Variants in ENTREP2 observed in about 807,000 individuals in gnomAD.
ENTREP2 encodes the protein endosomal transmembrane epsin interactor 2.
At chr15:29,439,740 C>T in the ENTREP2 span, among the ~76,000 whole-genome samples, 7 of 152,144 alleles carry the variant, frequency 4.6e-5, no homozygotes, top group East Asian at 1.9e-4. Context: ...TTCTTTGACA[C>T]GCTCTCCCCC....
At chr15:29,277,887 A>C in the ENTREP2 span, among the ~76,000 whole-genome samples, 3 of 152,382 alleles carry the variant, frequency 2.0e-5, no homozygotes, top group East Asian at 3.9e-4. Context: ...AGAGCTGACA[A>C]AGCTAATATC....
At chr15:29,463,007 C>T in the ENTREP2 span, among the ~76,000 whole-genome samples, 3 of 152,174 alleles carry the variant, frequency 2.0e-5, no homozygotes, top group East Asian at 1.9e-4. Context: ...TGGACACACT[C>T]GGACAAGAAG....
At chr15:29,547,463 C>A in the ENTREP2 span, among the ~76,000 whole-genome samples, 1 of 152,076 alleles carries the variant, frequency 6.6e-6, no homozygotes, top group South Asian at 2.1e-4. Flanking sequence ...AAATGGTCAA[C>A]AAGCATATGA....
At chr15:29,527,103 G>A in the ENTREP2 span, among the ~76,000 whole-genome samples, 76 of 152,126 alleles carry the variant, frequency 5.0e-4, no homozygotes, top group African/African-American at 1.8e-3. Flanking sequence ...CACTTTCTTG[G>A]TTTCCTGTGG....
the ENTREP2 span, among the ~76,000 whole-genome samples, chr15:29,423,353 T>C: frequency 6.6e-6 from 1 of 152,136 alleles, no homozygotes; most frequent in Non-Finnish European, 1.5e-5. Context: ...ACTATACATA[T>C]AAATAGTACA....
the ENTREP2 span, among the ~76,000 whole-genome samples, chr15:29,466,121 A>G: frequency 6.6e-6 from 1 of 152,238 alleles, no homozygotes; most frequent in Non-Finnish European, 1.5e-5. Context: ...AGGAAAACCA[A>G]GATGATGGCA....
the ENTREP2 span, among the ~76,000 whole-genome samples, chr15:29,411,628 T>C: frequency 6.6e-6 from 1 of 152,382 alleles, no homozygotes. Flanking sequence ...GTGTTTTTGC[T>C]TTCTTCGTGA....
chr15:29,233,452 G>A, the ENTREP2 span, among the ~76,000 whole-genome samples: 4 of 152,124 alleles, frequency 2.6e-5, no homozygotes, highest in African/African-American at 9.7e-5. Flanking sequence ...TTATAATTTT[G>A]TTATACTGAG....
chr15:29,387,721 A>G, the ENTREP2 span, among the ~76,000 whole-genome samples: 17 of 152,292 alleles, frequency 1.1e-4, no homozygotes, highest in Non-Finnish European at 1.8e-4. Flanking sequence ...TTCAAACTAT[A>G]CTACAAGGCT....
At chr15:29,556,994 C>T in the ENTREP2 span, among the ~76,000 whole-genome samples, 2 of 152,202 alleles carry the variant, frequency 1.3e-5, no homozygotes, top group South Asian at 4.1e-4. Flanking sequence ...ATTCCTTCTT[C>T]GAAGCTGATA....
the ENTREP2 span, among the ~76,000 whole-genome samples, chr15:29,330,574 G>A: frequency 6.6e-6 from 1 of 152,156 alleles, no homozygotes. Flanking sequence ...GACCAGTACT[G>A]CTCAACACTG....
the ENTREP2 span, among the ~76,000 whole-genome samples, chr15:29,569,195 A>G: frequency 6.6e-6 from 1 of 152,178 alleles, no homozygotes; most frequent in Non-Finnish European, 1.5e-5. Context: ...ACTCCCAGCT[A>G]TGACCACACA....
chr15:29,337,374 G>A, the ENTREP2 span, among the ~76,000 whole-genome samples: 1 of 152,172 alleles, frequency 6.6e-6, no homozygotes, highest in African/African-American at 2.4e-5. Flanking sequence ...TCAGAGAGCT[G>A]GGAGGGAAGC....
chr15:29,491,005 T>C, the ENTREP2 span, among the ~76,000 whole-genome samples: 1 of 152,108 alleles, frequency 6.6e-6, no homozygotes. Context: ...GGGCTGCAGA[T>C]CCCCAGCCCT....
the ENTREP2 span, among the ~76,000 whole-genome samples, chr15:29,280,512 G>A: frequency 5.1e-3 from 776 of 152,284 alleles, 5 homozygotes; most frequent in African/African-American, 0.018. Context: ...CAGGATACAG[G>A]GAAGACAGAA....
chr15:29,624,461 AAT>A, the ENTREP2 span, among the ~76,000 whole-genome samples: 1 of 152,164 alleles, frequency 6.6e-6, no homozygotes, highest in Admixed American at 6.6e-5. Context: ...TGTTTAAAGC[AAT>A]ATGTCTCCAT....
the ENTREP2 span, among the ~76,000 whole-genome samples, chr15:29,246,592 C>G: frequency 5.9e-5 from 9 of 151,526 alleles, no homozygotes; most frequent in African/African-American, 1.9e-4. Context: ...CCCAGCTACT[C>G]AGGAGGCTGA....
chr15:29,600,714 C>T, the ENTREP2 span, among the ~76,000 whole-genome samples: 3 of 151,882 alleles, frequency 2.0e-5, no homozygotes, highest in Non-Finnish European at 4.4e-5. Flanking sequence ...TCAAGTGATC[C>T]TCCCACCTCA....
At chr15:29,305,733 A>G in the ENTREP2 span, among the ~76,000 whole-genome samples, 2 of 152,210 alleles carry the variant, frequency 1.3e-5, no homozygotes, top group Non-Finnish European at 2.9e-5. Context: ...ATGTGTTAAA[A>G]TGGAAATGCC....
Sources: gnomAD v4.1 joint callset for allele counts (sites outside exome capture counted in the v4.1 genomes callset) on GRCh38, gnomAD v4.1.1 for gene constraint, MANE v1.5 for transcripts, NCBI Gene and HGNC (gene_info 2026-07-23, HGNC 2026-07-21) for gene names.